The following PTPRA variants were observed in gnomAD, a reference collection of about 807,000 sequenced individuals.
PTPRA encodes receptor-type tyrosine-protein phosphatase alpha.
PTPRA carries 25 observed loss-of-function variants against 104.8 expected under a neutral mutation model. That is an observed-to-expected ratio of 0.24 (90% CI 0.17 to 0.33). The LOEUF is 0.33. PTPRA is among the 10% of genes least tolerant of loss of function. The pLI is 1.00. For missense variants in PTPRA, 765 were observed against 1,015.3 expected, an observed-to-expected ratio of 0.75 and a Z score of 3.35; for synonymous variants, 323 against 368.9, an observed-to-expected ratio of 0.88 and a Z score of 1.43.
At chr20:2,966,442 A>C (rs1245179345) in intron 5 of PTPRA, among the ~76,000 whole-genome samples, 3 of 152,218 alleles carry the variant, frequency 2.0e-5, no homozygotes, top group Non-Finnish European at 4.4e-5. Flanking sequence ...GGTAAGCACT[A>C]TTTTTAAGTG....
At chr20:2,984,397 C>T (rs994959040) in intron 6 of PTPRA, among the ~76,000 whole-genome samples, 6 of 152,142 alleles carry the variant, frequency 3.9e-5, no homozygotes, top group Non-Finnish European at 8.8e-5. Context: ...GAAAGGTCAC[C>T]AGTAGCCACC....
chr20:2,952,235 A>G lies in PTPRA; in HGVS notation c.-7+4211A>G, dbSNP rs372848308. 3.9e-4 allele frequency among the ~76,000 whole-genome samples: 59 copies of G among 152,276 alleles called. No homozygotes were observed. In the South Asian group the frequency reaches 0.012, roughly 31 times the overall value. On this transcript the variant is annotated intron_variant, in intron 3 of 23. Transcript: ENST00000399903. ...CTCCATATCCTTGACAGCACTTGGT[A>G]TAGCTGATCTTTTAATTTTAGTCAC...
intron 3 of PTPRA, among the ~76,000 whole-genome samples, chr20:2,953,893 G>GGTTTT (rs1219238972): frequency 7.9e-5 from 12 of 151,412 alleles, no homozygotes; most frequent in Admixed American, 2.0e-4. Flanking sequence ...GCACAGCCAG[G>GGTTTT]GTTTTGTTTT....
intron 6 of PTPRA, 135 bp downstream of exon 6, chr20:2,975,376 C>T: frequency 1.5e-6 from 1 of 679,992 alleles, no homozygotes; most frequent in Non-Finnish European, 2.2e-6. Context: ...AAGTTATTTC[C>T]ATGTTAATCT....
At chr20:2,922,345 T>G (rs1282079662) in intron 1 of PTPRA, among the ~76,000 whole-genome samples, 1 of 152,134 alleles carries the variant, frequency 6.6e-6, no homozygotes, top group African/African-American at 2.4e-5. Context: ...ATTGATTGAT[T>G]GATTGATTGA....
intron 3 of PTPRA, among the ~76,000 whole-genome samples, chr20:2,953,631 A>G (rs1376986403): frequency 6.7e-6 from 1 of 150,248 alleles, no homozygotes; most frequent in Non-Finnish European, 1.5e-5. Context: ...TTTTTGAGAC[A>G]GAATCTTGCT....
chr20:2,966,282 A>C (rs920456498), intron 5 of PTPRA, among the ~76,000 whole-genome samples: 4 of 152,234 alleles, frequency 2.6e-5, no homozygotes, highest in Non-Finnish European at 5.9e-5. Context: ...AGCCATGTTT[A>C]TGGCATAGCT....
At chr20:2,887,501 A>G (rs2090452159) in intron 1 of PTPRA, among the ~76,000 whole-genome samples, 1 of 152,172 alleles carries the variant, frequency 6.6e-6, no homozygotes, top group East Asian at 1.9e-4. Flanking sequence ...GACAAGTATG[A>G]TTTAAGCAGT....
intron 2 of PTPRA, among the ~76,000 whole-genome samples, chr20:2,933,268 CATT>C (rs2060571546): frequency 6.6e-6 from 1 of 152,082 alleles, no homozygotes; most frequent in Non-Finnish European, 1.5e-5. Context: ...AGTTGTTTAT[CATT>C]ATTTTACTTT....
At chr20:2,900,141 C>CT (rs2059173220) in intron 1 of PTPRA, among the ~76,000 whole-genome samples, 1 of 148,438 alleles carries the variant, frequency 6.7e-6, no homozygotes, top group South Asian at 2.1e-4. Flanking sequence ...GAAAAATCTG[C>CT]CTCCTTTTTT....
intron 2 of PTPRA, among the ~76,000 whole-genome samples, chr20:2,941,257 C>T (rs573201771): frequency 1.3e-5 from 2 of 152,276 alleles, no homozygotes; most frequent in East Asian, 3.9e-4. Context: ...TCTTGAACTC[C>T]TGACCTCAGG....
chr20:2,902,904 C>T (rs2059289670), intron 1 of PTPRA, among the ~76,000 whole-genome samples: 1 of 152,096 alleles, frequency 6.6e-6, no homozygotes, highest in Non-Finnish European at 1.5e-5. Context: ...ATTATGACTC[C>T]ATAATATTTC....
chr20:2,963,475 T>C (rs1002623063), intron 3 of PTPRA, among the ~76,000 whole-genome samples: 2 of 151,870 alleles, frequency 1.3e-5, no homozygotes, highest in Non-Finnish European at 2.9e-5. Flanking sequence ...ATGCCTCTAA[T>C]CTCAGCTACT....
At chr20:2,926,952 G>A (rs747782663) in intron 2 of PTPRA, among the ~76,000 whole-genome samples, 7 of 151,608 alleles carry the variant, frequency 4.6e-5, no homozygotes, top group African/African-American at 7.3e-5. Context: ...CACCACGCCC[G>A]GCTAATTTTT....
chr20:2,904,903 T>G lies in PTPRA; in HGVS notation c.-128-18304T>G, dbSNP rs891746780. Among the ~76,000 whole-genome samples, 4 of 152,128 alleles carry G rather than the reference T, an allele frequency of 2.6e-5. 1 individual carries two copies. The highest frequency in any genetic ancestry group is 5.9e-5 in the Non-Finnish European group (4 of 68,022). Reference sequence around the variant, plus strand: ...CTGTTTGGGGAAAAATACGTAAAGATTTCTAATTTAGACTATATTCAAATA... The same window carrying G: ...CTGTTTGGGGAAAAATACGTAAAGAGTTCTAATTTAGACTATATTCAAATA... On this transcript the variant is annotated intron_variant, in intron 1 of 23. Transcript: ENST00000399903.
chr20:3,021,473 T>C, intron 14 of PTPRA, 45 bp downstream of exon 14: 1 of 1,610,204 alleles, frequency 6.2e-7, no homozygotes, highest in Non-Finnish European at 8.5e-7. Context: ...TTGGATCTGC[T>C]GACCAGTAAG....
At chr20:3,026,567 C>T (rs1427663946) in intron 17 of PTPRA, 120 bp from the exon 18 acceptor site, 2 of 716,572 alleles carry the variant, frequency 2.8e-6, no homozygotes, top group East Asian at 5.4e-5. Flanking sequence ...GGTCAGGGCC[C>T]TGGTGAGAAG....
rs200834578 is a variant in PTPRA at position 3,037,245 on chromosome 20, G to C, written c.2290G>C (p.Val764Leu). ...GGGGATTTTGGATGTCTTCCAGACTGTCAAGAGCCTGCGGCTACAGAGGCC... is the reference window on the plus strand; with the variant it reads ...GGGGATTTTGGATGTCTTCCAGACTCTCAAGAGCCTGCGGCTACAGAGGCC... The part of the protein sequence containing the change: ...AEGILDVFQT[V>L]KSLRLQRPHM... Residue 764 changes from valine (V) to leucine (L), a missense_variant, in exon 23 of 24, where the codon GTC (valine) becomes CTC (leucine). Val to Leu is a conservative substitution (Grantham distance 32). Transcript: ENST00000399903. This position sits in a 1 kb window ranked among gnomAD's most constrained non-coding sequence, Gnocchi z 4.3. 6.2e-7 allele frequency: 1 copy of C among 1,614,254 alleles called. No individual in the cohort carries two copies. The highest frequency in any genetic ancestry group is 8.5e-7 in the Non-Finnish European group (1 of 1,180,036).
At chr20:2,899,114 C>T (rs2059130818) in intron 1 of PTPRA, among the ~76,000 whole-genome samples, 1 of 152,138 alleles carries the variant, frequency 6.6e-6, no homozygotes, top group Non-Finnish European at 1.5e-5. Flanking sequence ...GCTGGCAGAT[C>T]ACTTGAGATC....
Sources: gnomAD v4.1 joint callset for allele counts (sites outside exome capture counted in the v4.1 genomes callset) on GRCh38, gnomAD v4.1.1 for gene constraint, Gnocchi (gnomAD v3.1) non-coding constraint, MANE v1.5 for transcripts, NCBI Gene and HGNC (gene_info 2026-07-23, HGNC 2026-07-21) for gene names.